ZNF385D: variants seen among roughly 807,000 people sequenced by gnomAD.
The protein encoded by ZNF385D is zinc finger protein 659.
In ZNF385D, 15 loss-of-function variants were observed where a neutral mutation model predicts 35.8. The observed-to-expected ratio is 0.42, with a 90% CI of 0.28 to 0.64. The LOEUF is 0.64. ZNF385D is among the 30% of genes least tolerant of loss of function. ZNF385D has a pLI of 0.23. For missense variants in ZNF385D, 474 were observed against 494.6 expected (o/e 0.96, Z 0.39); for synonymous variants, 212 against 186.8 (o/e 1.13, Z -1.10).
chr3:22,123,954 C>A (rs2336674), intron 3 of ZNF385D, among the ~76,000 whole-genome samples: 990 of 93,140 alleles, frequency 0.011, 4 homozygotes, highest in Non-Finnish European at 0.014. Flanking sequence ...CTCTCTCTCT[C>A]TCTCTCTCTA....
intron 3 of ZNF385D, among the ~76,000 whole-genome samples, chr3:22,070,369 C>G (rs1318759370): frequency 6.6e-6 from 1 of 152,048 alleles, no homozygotes; most frequent in Admixed American, 6.6e-5. Context: ...ATGAAGTAAC[C>G]CGCTTTCAAG....
chr3:22,084,247 G>A (rs1374925465), intron 3 of ZNF385D, among the ~76,000 whole-genome samples: 1 of 152,156 alleles, frequency 6.6e-6, no homozygotes, highest in Non-Finnish European at 1.5e-5. Context: ...AACCTTAAAT[G>A]TAAATGGGCT....
intron 3 of ZNF385D, among the ~76,000 whole-genome samples, chr3:21,515,509 A>G (rs1707501453): frequency 6.6e-6 from 1 of 152,236 alleles, no homozygotes; most frequent in African/African-American, 2.4e-5. Flanking sequence ...AATAAAATAA[A>G]CTTTATCACA....
chr3:21,900,153 A>T (rs1281923836), intron 3 of ZNF385D, among the ~76,000 whole-genome samples: 1 of 152,198 alleles, frequency 6.6e-6, no homozygotes. Flanking sequence ...CAATTAAAAC[A>T]ACCATGAGAT....
intron 1 of ZNF385D, among the ~76,000 whole-genome samples, chr3:21,742,528 T>G (rs1462925137): frequency 1.3e-5 from 2 of 152,204 alleles, no homozygotes; most frequent in African/African-American, 4.8e-5. Context: ...CAGGATACAT[T>G]TCCCAGGCCA....
chr3:21,959,227 T>A (rs532502952), intron 3 of ZNF385D, among the ~76,000 whole-genome samples: 1 of 152,026 alleles, frequency 6.6e-6, no homozygotes, highest in South Asian at 2.1e-4. Flanking sequence ...AATCAGCAAA[T>A]AGGAATAAAG....
intron 3 of ZNF385D, among the ~76,000 whole-genome samples, chr3:22,151,804 C>T (rs999666344): frequency 2.0e-5 from 3 of 152,078 alleles, no homozygotes; most frequent in African/African-American, 7.2e-5. Flanking sequence ...CACCGTGAGC[C>T]CTTTAACCAC....
intron 3 of ZNF385D, among the ~76,000 whole-genome samples, chr3:21,910,724 C>T (rs561841983): frequency 2.7e-5 from 4 of 150,908 alleles, no homozygotes; most frequent in African/African-American, 4.9e-5. Flanking sequence ...GGCCAGGGGA[C>T]GGGGGGCAGA....
In ZNF385D at chr3:22,050,297, C is replaced by T. The variant is rs554118948; in HGVS notation, c.325+118520G>A. Among the ~76,000 whole-genome samples, 10 of 151,880 alleles carry T rather than the reference C, an allele frequency of 6.6e-5. No individual in the cohort carries two copies. In the South Asian group the frequency reaches 1.0e-3, roughly 16 times the overall value. ...AGACTGCTTGAGCCCCAGAGGTTGA[C>T]GCTCCAGTGAAGCATGATTGTGCCA... On this transcript the variant is annotated intron_variant, in intron 3 of 5. Coordinates refer to the ZNF385D transcript ENST00000494108.
At chr3:22,116,783 C>T (rs541911127) in intron 3 of ZNF385D, among the ~76,000 whole-genome samples, 1 of 152,100 alleles carries the variant, frequency 6.6e-6, no homozygotes, top group East Asian at 1.9e-4. Flanking sequence ...ACAATATCCT[C>T]AAAATTACAG....
intron 3 of ZNF385D, among the ~76,000 whole-genome samples, chr3:22,077,912 C>A (rs1346409608): frequency 6.6e-6 from 1 of 152,026 alleles, no homozygotes; most frequent in Non-Finnish European, 1.5e-5. Flanking sequence ...CACTCCATGT[C>A]TGATACCTGA....
chr3:21,987,505 C>A (rs1306751506), intron 3 of ZNF385D, among the ~76,000 whole-genome samples: 1 of 127,770 alleles, frequency 7.8e-6, no homozygotes. Context: ...CCCCCACTCT[C>A]TTCTGGCTTG....
chr3:22,137,763 A>G (rs1309520735), intron 3 of ZNF385D, among the ~76,000 whole-genome samples: 1 of 152,130 alleles, frequency 6.6e-6, no homozygotes, highest in Non-Finnish European at 1.5e-5. Context: ...CTGGCACAAG[A>G]CAGGGATGCC....
chr3:21,833,962 G>A (rs1002426216), intron 3 of ZNF385D, among the ~76,000 whole-genome samples: 1 of 152,196 alleles, frequency 6.6e-6, no homozygotes, highest in Admixed American at 6.5e-5. Flanking sequence ...TATTTTAGAA[G>A]AGTTCTTTAA....
chr3:22,195,559 AT>A (rs1696357330), intron 2 of ZNF385D, among the ~76,000 whole-genome samples: 1 of 151,996 alleles, frequency 6.6e-6, no homozygotes, highest in African/African-American at 2.4e-5. Flanking sequence ...ATAGTTTTAC[AT>A]TTTGAAATCT....
Position 21,421,412 on chromosome 3 carries a change from T to C in ZNF385D, c.990A>G (p.Pro330=). The stretch of plus-strand genomic sequence containing the variant: ...GATTTGGTAGAATTCGTGGAGCCAA[T>C]GGCTTTGAAGGTTCTTTTGAAAATA... The part of the protein sequence containing the change: ...KLVFSKEPSK[P]LAPRILPNPL... Residue 330 remains proline, a synonymous_variant, in exon 8 of 8, where the codon CCA becomes CCG. Coordinates refer to ENST00000281523, the MANE Select transcript of ZNF385D (RefSeq NM_024697.3). The C allele has an allele frequency of 6.2e-7, 1 of 1,613,798 alleles. No individual in the cohort carries two copies. The highest frequency in any genetic ancestry group is 8.5e-7 in the Non-Finnish European group (1 of 1,179,800).
At chr3:22,121,724 A>G (rs1355460737) in intron 3 of ZNF385D, among the ~76,000 whole-genome samples, 1 of 151,500 alleles carries the variant, frequency 6.6e-6, no homozygotes, top group Non-Finnish European at 1.5e-5. Flanking sequence ...GGTAAACACA[A>G]TCCCCTGTAC....
At chr3:22,105,450 G>C (rs561649105) in intron 3 of ZNF385D, among the ~76,000 whole-genome samples, 4 of 152,140 alleles carry the variant, frequency 2.6e-5, no homozygotes, top group Admixed American at 2.6e-4. Context: ...TATACAGAGA[G>C]AGAAAGAGAG....
chr3:22,167,498 T>C (rs1171716048), intron 3 of ZNF385D, among the ~76,000 whole-genome samples: 1 of 152,168 alleles, frequency 6.6e-6, no homozygotes, highest in Non-Finnish European at 1.5e-5. Flanking sequence ...TGTCAGCATA[T>C]CCTCATTCTT....
Sources: allele counts gnomAD v4.1 joint callset (sites outside exome capture counted in the v4.1 genomes callset), GRCh38; gene constraint gnomAD v4.1.1; transcripts MANE v1.5; gene names NCBI Gene and HGNC (gene_info 2026-07-23, HGNC 2026-07-21).